SOCS5: variants seen among roughly 807,000 people sequenced by gnomAD.
SOCS5 encodes the protein suppressor of cytokine signaling 5.
Under a neutral mutation model 42.8 loss-of-function variants are expected in SOCS5, and 32 were observed. The ratio of observed to expected loss-of-function variants is 0.75; its 90% confidence interval spans 0.56 to 1.01. The LOEUF (loss-of-function observed/expected upper bound fraction) is 1.01, where lower values mean the gene tolerates loss of function less well. Ranked by LOEUF, SOCS5 falls within the 50% of genes least tolerant of loss-of-function variation. The pLI is 0.00. For synonymous variants in SOCS5, 283 were observed against 229.6 expected (o/e 1.23, Z -2.10); for missense variants, 627 against 653.0 (o/e 0.96, Z 0.43).
chr2:46,739,499 T>C (rs1673322998), intron 1 of SOCS5, among the ~76,000 whole-genome samples: 1 of 152,174 alleles, frequency 6.6e-6, no homozygotes, highest in African/African-American at 2.4e-5. Flanking sequence ...ATGTAACCCA[T>C]ATATAAAAGA....
chr2:46,722,826 T>C (rs1672911713), intron 1 of SOCS5, among the ~76,000 whole-genome samples: 1 of 152,148 alleles, frequency 6.6e-6, no homozygotes, highest in African/African-American at 2.4e-5. Context: ...TTTGCATCCT[T>C]GTCAGCATTT....
chr2:46,745,430 C>T (rs562891675), intron 1 of SOCS5, among the ~76,000 whole-genome samples: 19 of 152,168 alleles, frequency 1.2e-4, no homozygotes, highest in African/African-American at 4.6e-4. Flanking sequence ...AAAATTGTAC[C>T]TGATCAAAAA....
rs147300018 is a variant in SOCS5 at position 46,762,154 on chromosome 2, G to A, written c.*2013G>A. 69 of 167,174 alleles carry A rather than the reference G, an allele frequency of 4.1e-4. No individual in the cohort carries two copies. The highest frequency in any genetic ancestry group is 1.6e-3 in the African/African-American group (65 of 41,582). The allele number at this position is 167,174 out of a possible 1,614,324, so 10.4% of individuals were successfully genotyped here. ...TCTGTTGTTTCTAATTAAAGTCCCT[G>A]AAGATCATATACCAAAGTGTTTGAG... On this transcript the variant is annotated 3_prime_UTR_variant, in exon 2 of 2. Coordinates refer to ENST00000394861, the MANE Select transcript of SOCS5 (RefSeq NM_144949.3).
At chr2:46,725,003 T>C (rs1672961776) in intron 1 of SOCS5, among the ~76,000 whole-genome samples, 1 of 152,082 alleles carries the variant, frequency 6.6e-6, no homozygotes, top group African/African-American at 2.4e-5. Flanking sequence ...CTGTTTCTCC[T>C]TCCAGTTCTG....
chr2:46,711,745 A>G (rs1398524152), intron 1 of SOCS5, among the ~76,000 whole-genome samples: 1 of 152,098 alleles, frequency 6.6e-6, no homozygotes, highest in Non-Finnish European at 1.5e-5. Flanking sequence ...TATGGTGATA[A>G]TTTTTGTGTA....
At chr2:46,709,198 C>G (rs557543113) in intron 1 of SOCS5, among the ~76,000 whole-genome samples, 2 of 152,264 alleles carry the variant, frequency 1.3e-5, no homozygotes, top group Non-Finnish European at 2.9e-5. Flanking sequence ...CAGAGCATCC[C>G]TAAGCAACTA....
rs1447378025 is a variant in SOCS5 at position 46,760,753 on chromosome 2, G to A, written c.*612G>A. 6.0e-6 allele frequency: 1 copy of A among 167,084 alleles called. No individual in the cohort carries two copies. The highest frequency in any genetic ancestry group is 2.4e-5 in the African/African-American group (1 of 41,446). The allele number at this position is 167,084 out of a possible 1,614,324, so 10.4% of individuals were successfully genotyped here. A position where few individuals can be genotyped will look rare whatever the true frequency, so the allele number is the denominator to read the frequency against. On this transcript the variant is annotated 3_prime_UTR_variant, in exon 2 of 2. Coordinates refer to ENST00000394861, the MANE Select transcript of SOCS5 (RefSeq NM_144949.3). ...TTAAGTAAACCAGATTTTCTAAATAGGCATTCTTAAAATTTCAGACTTACA... is the reference window on the plus strand; with the variant it reads ...TTAAGTAAACCAGATTTTCTAAATAAGCATTCTTAAAATTTCAGACTTACA...
chr2:46,729,493 C>A (rs1673067939), intron 1 of SOCS5, among the ~76,000 whole-genome samples: 2 of 152,198 alleles, frequency 1.3e-5, no homozygotes, highest in Non-Finnish European at 2.9e-5. Flanking sequence ...GGCTACAAAC[C>A]TGTATAGCCT....
At chr2:46,752,171 T>A (rs1383734266) in intron 1 of SOCS5, among the ~76,000 whole-genome samples, 1 of 151,292 alleles carries the variant, frequency 6.6e-6, no homozygotes, top group Non-Finnish European at 1.5e-5. Context: ...TTTTGTTCTT[T>A]TTTTTTTTTT....
intron 1 of SOCS5, among the ~76,000 whole-genome samples, chr2:46,726,077 T>C (rs1672983542): frequency 6.6e-6 from 1 of 152,122 alleles, no homozygotes; most frequent in Non-Finnish European, 1.5e-5. Context: ...CATGGATTTC[T>C]TTGGGTTTAT....
rs144092501 is a variant in SOCS5 at position 46,761,361 on chromosome 2, A to G, written c.*1220A>G. The G allele has an allele frequency of 1.2e-5, 2 of 167,112 alleles. No homozygotes were observed. Among genetic ancestry groups the G allele is most frequent in the Admixed American group, 6.5e-5 (1 of 15,286 alleles). The allele number at this position is 167,112 out of a possible 1,614,324, so 10.4% of individuals were successfully genotyped here. A position where few individuals can be genotyped will look rare whatever the true frequency, so the allele number is the denominator to read the frequency against. ...AGTTCTGTCCTAGACATTTTGCACT[A>G]AAGTAGCCGAATCCACTCTCATGTC... On this transcript the variant is annotated 3_prime_UTR_variant, in exon 2 of 2. Coordinates refer to ENST00000394861, the MANE Select transcript of SOCS5 (RefSeq NM_144949.3).
intron 1 of SOCS5, among the ~76,000 whole-genome samples, chr2:46,713,833 G>C (rs1267505536): frequency 6.6e-6 from 1 of 151,996 alleles, no homozygotes; most frequent in African/African-American, 2.4e-5. Context: ...GCATCCCACA[G>C]ATATTGATAT....
At chr2:46,730,103 A>G (rs1253493906) in intron 1 of SOCS5, among the ~76,000 whole-genome samples, 1 of 152,190 alleles carries the variant, frequency 6.6e-6, no homozygotes, top group Non-Finnish European at 1.5e-5. Flanking sequence ...ACCATCATAT[A>G]TGCCGTCTCT....
intron 1 of SOCS5, among the ~76,000 whole-genome samples, chr2:46,749,766 AG>A (rs912118174): frequency 2.0e-5 from 3 of 152,172 alleles, no homozygotes; most frequent in Admixed American, 6.5e-5. Flanking sequence ...TCAATGGCTT[AG>A]GAACATTGAA....
At chr2:46,737,710 T>C (rs1434018072) in intron 1 of SOCS5, among the ~76,000 whole-genome samples, 1 of 152,186 alleles carries the variant, frequency 6.6e-6, no homozygotes, top group Admixed American at 6.5e-5. Flanking sequence ...CGCTTTCCCA[T>C]TGAAGCTGAT....
chr2:46,721,506 T>C (rs572414516), intron 1 of SOCS5, among the ~76,000 whole-genome samples: 1 of 152,212 alleles, frequency 6.6e-6, no homozygotes, highest in Non-Finnish European at 1.5e-5. Context: ...AAAGCTCATA[T>C]CCTCAGAAGG....
chr2:46,730,515 G>A (rs547383563), intron 1 of SOCS5, among the ~76,000 whole-genome samples: 5 of 152,170 alleles, frequency 3.3e-5, no homozygotes, highest in South Asian at 2.1e-4. Context: ...CAGGCGAATC[G>A]CTTGAACTCA....
rs1351933599 is a variant in SOCS5, at chr2:46,758,905, A to G, written c.375A>G (p.Lys125=). The change falls in exon 2 of 2, where the codon AAA becomes AAG. Residue 125 remains lysine (K), a synonymous_variant. Transcript: ENST00000394861. ...SRHAPWGGKK[K]HSCSTKTQSS... ...ATGCTCCATGGGGTGGGAAGAAAAA[A>G]CATTCCTGTTCTACAAAGACCCAGA... is the stretch of plus-strand genomic sequence containing the variant. The G allele has an allele frequency of 1.2e-6, 2 of 1,614,052 alleles. No homozygotes were observed. The highest frequency in any genetic ancestry group is 1.7e-5 in the Admixed American group (1 of 60,018).
intron 1 of SOCS5, among the ~76,000 whole-genome samples, chr2:46,743,348 A>T (rs1160455747): frequency 6.6e-6 from 1 of 152,138 alleles, no homozygotes; most frequent in Non-Finnish European, 1.5e-5. Context: ...GCCCATTTTT[A>T]TGGTTATTTC....
Sources: allele counts gnomAD v4.1 joint callset (sites outside exome capture counted in the v4.1 genomes callset), GRCh38; gene constraint gnomAD v4.1.1; transcripts MANE v1.5; gene names NCBI Gene and HGNC (gene_info 2026-07-23, HGNC 2026-07-21).